Variants in GPR78 observed in about 807,000 individuals in gnomAD.
GPR78 encodes the protein G protein-coupled receptor 78.
GPR78 carries 29 observed loss-of-function variants against 17.9 expected under a neutral mutation model. That is an observed-to-expected ratio of 1.62 (90% CI 1.20 to 2.21). The LOEUF (loss-of-function observed/expected upper bound fraction) is 2.21. GPR78 is among the 30% of genes most tolerant of loss of function. The probability of loss-of-function intolerance (pLI) is 0.00; values close to 1 mark genes in which losing one functional copy is unlikely to be tolerated. For missense variants in GPR78, 649 were observed against 530.5 expected, an observed-to-expected ratio of 1.22 and a Z score of -2.19; for synonymous variants, 349 against 256.9, an observed-to-expected ratio of 1.36 and a Z score of -3.43.
At chr4:8,582,973 A>C in intron 2 of GPR78, 2 of 202,158 alleles carry the variant, frequency 9.9e-6, no homozygotes, top group Non-Finnish European at 2.0e-5. Context: ...CAGGCCTCAG[A>C]CTCCGCATCT....
At chr4:8,585,943 C>A (rs749106514) in intron 2 of GPR78, among the ~76,000 whole-genome samples, 5 of 152,330 alleles carry the variant, frequency 3.3e-5, no homozygotes, top group Non-Finnish European at 7.3e-5. Flanking sequence ...GGCTGCAGTC[C>A]TTCTGAGTGG....
In GPR78 at chr4:8,581,156, G is replaced by A. The variant is rs1444138485; in HGVS notation, c.174G>A (p.Leu58=). The A allele has an allele frequency of 1.2e-6, 2 of 1,604,076 alleles. No homozygotes were observed. The highest frequency in any genetic ancestry group is 3.3e-5 in the Admixed American group (2 of 59,970). ...LSLGHLLLAA[L]DMPFTLLGVM... is the part of the protein sequence containing the mutation. Reference sequence around the variant, plus strand: ...TGGGCCACCTGCTGCTGGCGGCGCTGGACATGCCCTTCACGCTGCTCGGTG... The same window carrying A: ...TGGGCCACCTGCTGCTGGCGGCGCTAGACATGCCCTTCACGCTGCTCGGTG... The change falls in exon 1 of 3, where the codon CTG becomes CTA. Residue 58 remains leucine (L), a synonymous_variant. Transcript: ENST00000382487.
rs138639661 is a variant in GPR78, at chr4:8,582,630, G to T, written c.768G>T (p.Pro256=). The T allele has an allele frequency of 8.7e-6, 14 of 1,610,380 alleles. No individual in the cohort carries two copies. Among genetic ancestry groups the T allele is most frequent in the Non-Finnish European group, 1.2e-5 (14 of 1,176,810 alleles). The change falls in exon 2 of 3, where the codon CCG becomes CCT. Residue 256 remains proline, a synonymous_variant. Coordinates refer to ENST00000382487, the MANE Select transcript of GPR78 (RefSeq NM_080819.5). ...AIATFLICFA[P]YVMTRLAELV... ...CGACCTTCCTCATCTGCTTTGCCCC[G>T]TATGTCATGACCAGGTGGGTCCTGG...
chr4:8,582,848 C>A lies in GPR78; in HGVS notation c.782+204C>A, dbSNP rs1019667868. The A allele has an allele frequency of 4.7e-5, 26 of 558,746 alleles. No homozygotes were observed. The Admixed American group carries it at 6.2e-4, about 13-fold the overall frequency. The allele number at this position is 558,746 out of a possible 1,614,324, so 34.6% of individuals were successfully genotyped here. On this transcript the variant is annotated intron_variant, in intron 2 of 2. Transcript: ENST00000382487. The stretch of plus-strand genomic sequence containing the variant: ...GAGGTGGCACTGGCTCCCATCCTGT[C>A]CTATAAATGAGGAGACTCTCCTTGT...
Position 8,587,302 on chromosome 4 carries a change from C to A in GPR78, c.1031C>A (p.Ala344Glu). 6.2e-7 allele frequency: 1 copy of A among 1,612,424 alleles called. No individual in the cohort carries two copies. Among genetic ancestry groups the A allele is most frequent in the South Asian group, 1.1e-5 (1 of 90,904 alleles). Residue 344 changes from alanine (A) to glutamate (E), a missense_variant, in exon 3 of 3, where the codon GCG becomes GAG. Ala to Glu is a moderately radical substitution (Grantham distance 107). Coordinates refer to ENST00000382487, the MANE Select transcript of GPR78 (RefSeq NM_080819.5). ...CTGCTGAAGAGAACCCCGCGCCCAG[C>A]GTCCACCCACAACGGCTCTGTGGAC... ...HQLLKRTPRPASTHNGSVDTE... is the reference protein window; with the variant it reads ...HQLLKRTPRPESTHNGSVDTE...
In GPR78 at chr4:8,587,290, C is replaced by G. The variant is rs754779735; in HGVS notation, c.1019C>G (p.Thr340Ser). Residue 340 changes from threonine to serine, a missense_variant, in exon 3 of 3, where the codon ACC becomes AGC. Transcript: ENST00000382487. Reference sequence around the variant, plus strand: ...ATGGTGCACCAGCTGCTGAAGAGAACCCCGCGCCCAGCGTCCACCCACAAC... The same window carrying G: ...ATGGTGCACCAGCTGCTGAAGAGAAGCCCGCGCCCAGCGTCCACCCACAAC... ...AGMVHQLLKR[T>S]PRPASTHNGS... is the part of the protein sequence containing the mutation. The G allele has an allele frequency of 6.2e-7, 1 of 1,610,994 alleles. No homozygotes were observed.
Position 8,580,999 on chromosome 4 carries a change from C to G in GPR78, c.17C>G (p.Ala6Gly). Residue 6 changes from alanine to glycine, a missense_variant, in exon 1 of 3, where the codon GCG becomes GGG. By Grantham distance (60) the Ala-to-Gly change is moderately conservative. Coordinates refer to ENST00000382487, the MANE Select transcript of GPR78 (RefSeq NM_080819.5). MGPGE[A>G]LLAGLLVMVL... ...GCTAGCGCCATGGGCCCCGGCGAGG[C>G]GCTGCTGGCGGGTCTCCTGGTGATG... The G allele has an allele frequency of 6.3e-7, 1 of 1,588,928 alleles. No homozygotes were observed.
At position 8,587,159 on chromosome 4, in the gene GPR78, G is replaced by C; in HGVS notation, c.888G>C (p.Leu296=). ...TGGCCGACCCGTTCACGTACTCTCTGCTCCGCCGGCCGTTCCGCCAAGTCC... is the reference window on the plus strand; with the variant it reads ...TGGCCGACCCGTTCACGTACTCTCTCCTCCGCCGGCCGTTCCGCCAAGTCC... ...KAVADPFTYS[L]LRRPFRQVLA... is the part of the protein sequence containing the mutation. Residue 296 remains leucine (L), a synonymous_variant, in exon 3 of 3, where the codon CTG becomes CTC. Coordinates refer to ENST00000382487, the MANE Select transcript of GPR78 (RefSeq NM_080819.5). 1 of 1,613,228 alleles carries C rather than the reference G, an allele frequency of 6.2e-7. No homozygotes were observed. The highest frequency in any genetic ancestry group is 8.5e-7 in the Non-Finnish European group (1 of 1,179,936).
chr4:8,582,380 C>A (rs1376141228), intron 1 of GPR78, 151 bp from the exon 2 acceptor site: 1 of 570,638 alleles, frequency 1.8e-6, no homozygotes, highest in Non-Finnish European at 3.1e-6. Context: ...CTTGTTCTTT[C>A]TCTCTCCCCC....
chr4:8,588,032 C>G lies in GPR78; in HGVS notation c.*669C>G, dbSNP rs1312161575. Among the ~76,000 whole-genome samples the G allele has an allele frequency of 2.0e-5, 3 of 152,244 alleles. No individual in the cohort carries two copies. Among genetic ancestry groups the G allele is most frequent in the Non-Finnish European group, 4.4e-5 (3 of 68,042 alleles). The stretch of plus-strand genomic sequence containing the variant: ...CACGCAGATGGAGCCTGTCTCCTGC[C>G]TTCCTTTCCATGGTTTGCCAGGGGT... On this transcript the variant is annotated 3_prime_UTR_variant, in exon 3 of 3. Coordinates refer to ENST00000382487, the MANE Select transcript of GPR78 (RefSeq NM_080819.5).
At chr4:8,585,347 C>T (rs1560282136) in intron 2 of GPR78, among the ~76,000 whole-genome samples, 1 of 152,194 alleles carries the variant, frequency 6.6e-6, no homozygotes, top group African/African-American at 2.4e-5. Context: ...CTTCCACCTG[C>T]ACCGTGGCTT....
chr4:8,589,203 C>T lies in GPR78; in HGVS notation c.*1840C>T, dbSNP rs568402230. Among the ~76,000 whole-genome samples, 32 of 152,024 alleles carry T rather than the reference C, an allele frequency of 2.1e-4. No homozygotes were observed. Among genetic ancestry groups the T allele is most frequent in the Non-Finnish European group, 3.8e-4 (26 of 68,016 alleles). The stretch of plus-strand genomic sequence containing the variant: ...GGTGTTATTTGCTGACTCACCAATG[C>T]CTCCCCCAAAAGGATAAATTTAAAG... On this transcript the variant is annotated 3_prime_UTR_variant, in exon 3 of 3. Transcript: ENST00000382487.
chr4:8,582,627 C>G lies in GPR78; in HGVS notation c.765C>G (p.Ala255=). 2 of 1,611,962 alleles carry G rather than the reference C, an allele frequency of 1.2e-6. No individual in the cohort carries two copies. The highest frequency in any genetic ancestry group is 1.7e-6 in the Non-Finnish European group (2 of 1,178,190). Residue 255 remains alanine (A), a synonymous_variant, in exon 2 of 3, where the codon GCC becomes GCG. Transcript: ENST00000382487. ...IAIATFLICF[A]PYVMTRLAEL... ...TTGCGACCTTCCTCATCTGCTTTGCCCCGTATGTCATGACCAGGTGGGTCC... is the reference window on the plus strand; with the variant it reads ...TTGCGACCTTCCTCATCTGCTTTGCGCCGTATGTCATGACCAGGTGGGTCC...
rs116089211 is a variant in GPR78 at position 8,588,999 on chromosome 4, T to A, written c.*1636T>A. The stretch of plus-strand genomic sequence containing the variant: ...CTCCCACCTCAGCCTCCTGAGTAGT[T>A]GAGGACACAGGCACGGGACACCATG... On this transcript the variant is annotated 3_prime_UTR_variant, in exon 3 of 3. Transcript: ENST00000382487. Among the ~76,000 whole-genome samples the A allele has an allele frequency of 6.6e-6, 1 of 152,044 alleles. No homozygotes were observed. Among genetic ancestry groups the A allele is most frequent in the Non-Finnish European group, 1.5e-5 (1 of 68,016 alleles).
chr4:8,589,263 AC>A lies in GPR78; in HGVS notation c.*1901del, dbSNP rs1284893425. Among the ~76,000 whole-genome samples the A allele has an allele frequency of 2.0e-5, 3 of 149,184 alleles. No individual in the cohort carries two copies. The South Asian group carries it at 6.5e-4, about 32-fold the overall frequency. ...ACCCATGAAGTGTAATTCAAATAAAACAAATTATCGTTTGGAATAATAACAA... is the reference window on the plus strand; with the variant it reads ...ACCCATGAAGTGTAATTCAAATAAAAAAATTATCGTTTGGAATAATAACAA... On this transcript the variant is annotated 3_prime_UTR_variant, in exon 3 of 3. Coordinates refer to ENST00000382487, the MANE Select transcript of GPR78 (RefSeq NM_080819.5).
chr4:8,583,833 G>A (rs985655541), intron 2 of GPR78, among the ~76,000 whole-genome samples: 4 of 152,152 alleles, frequency 2.6e-5, no homozygotes, highest in Non-Finnish European at 5.9e-5. Flanking sequence ...AGGAGCTCTT[G>A]GCACCACTGA....
chr4:8,587,995 T>C lies in GPR78; in HGVS notation c.*632T>C, dbSNP rs1180331576. Among the ~76,000 whole-genome samples, 1 of 152,216 alleles carries C rather than the reference T, an allele frequency of 6.6e-6. No homozygotes were observed. The highest frequency in any genetic ancestry group is 2.4e-5 in the African/African-American group (1 of 41,454). On this transcript the variant is annotated 3_prime_UTR_variant, in exon 3 of 3. Transcript: ENST00000382487. ...CAGCTCCAGGCCTGTCCGCTGTGACTGCCTGTGTGGGCACGCAGATGGAGC... is the reference window on the plus strand; with the variant it reads ...CAGCTCCAGGCCTGTCCGCTGTGACCGCCTGTGTGGGCACGCAGATGGAGC...
At chr4:8,583,288 C>T (rs1037165930) in intron 2 of GPR78, among the ~76,000 whole-genome samples, 2 of 152,192 alleles carry the variant, frequency 1.3e-5, no homozygotes, top group South Asian at 2.1e-4. Flanking sequence ...GAAATGTGTG[C>T]ACCCTGCCTT....
rs769616375 is a variant in GPR78 at position 8,587,174 on chromosome 4, C to G, written c.903C>G (p.Phe301Leu). ...CGTACTCTCTGCTCCGCCGGCCGTTCCGCCAAGTCCTGGCCGGCATGGTGC... is the reference window on the plus strand; with the variant it reads ...CGTACTCTCTGCTCCGCCGGCCGTTGCGCCAAGTCCTGGCCGGCATGGTGC... ...PFTYSLLRRP[F>L]RQVLAGMVHR... is the part of the protein sequence containing the mutation. The change falls in exon 3 of 3, where the codon TTC (phenylalanine) becomes TTG (leucine). Residue 301 changes from phenylalanine to leucine, a missense_variant. Phe to Leu is a conservative substitution (Grantham distance 22). Transcript: ENST00000382487. 2.5e-6 allele frequency: 4 copies of G among 1,613,350 alleles called. No homozygotes were observed. Among genetic ancestry groups the G allele is most frequent in the Non-Finnish European group, 3.4e-6 (4 of 1,180,040 alleles).
Sources: allele counts gnomAD v4.1 joint callset (sites outside exome capture counted in the v4.1 genomes callset), GRCh38; gene constraint gnomAD v4.1.1; transcripts MANE v1.5; gene names NCBI Gene and HGNC (gene_info 2026-07-23, HGNC 2026-07-21).